The following PIK3C2G variants were observed in gnomAD, a reference collection of about 807,000 sequenced individuals.
PIK3C2G encodes the protein phosphatidylinositol-4-phosphate 3-kinase catalytic subunit type 2 gamma.
In PIK3C2G, 168 loss-of-function variants were observed where a neutral mutation model predicts 181.1. That is an observed-to-expected ratio of 0.93 (90% CI 0.82 to 1.05). The LOEUF is 1.05. PIK3C2G is among the 50% of genes least tolerant of loss of function. The pLI, the probability that PIK3C2G is intolerant of heterozygous loss-of-function variation, is 0.00. For synonymous variants in PIK3C2G, 573 were observed against 592.2 expected, an observed-to-expected ratio of 0.97 and a Z score of 0.47; for missense variants, 1,869 against 1,732.8, an observed-to-expected ratio of 1.08 and a Z score of -1.40.
chr12:18,550,489 G>A (rs1944669747), intron 26 of PIK3C2G, among the ~76,000 whole-genome samples: 1 of 151,514 alleles, frequency 6.6e-6, no homozygotes, highest in African/African-American at 2.4e-5. Context: ...TAAAACTTAG[G>A]GAGACTAAAT....
chr12:18,288,758 C>G (rs1030055441), intron 3 of PIK3C2G, among the ~76,000 whole-genome samples: 2 of 152,168 alleles, frequency 1.3e-5, no homozygotes, highest in Non-Finnish European at 2.9e-5. Flanking sequence ...TTCTGAATAA[C>G]TCTACTCACA....
intron 29 of PIK3C2G, among the ~76,000 whole-genome samples, chr12:18,587,854 A>G (rs996328189): frequency 4.6e-5 from 7 of 151,996 alleles, no homozygotes; most frequent in Non-Finnish European, 1.0e-4. Context: ...TCAGAACTAT[A>G]CTACAGGGAG....
intron 31 of PIK3C2G, among the ~76,000 whole-genome samples, chr12:18,630,162 A>C (rs1591710550): frequency 6.6e-6 from 1 of 152,114 alleles, no homozygotes; most frequent in East Asian, 1.9e-4. Context: ...CTATAATCCC[A>C]GGCAGATTCC....
intron 8 of PIK3C2G, among the ~76,000 whole-genome samples, chr12:18,331,322 T>C (rs1478312390): frequency 6.6e-6 from 1 of 152,188 alleles, no homozygotes; most frequent in Admixed American, 6.5e-5. Flanking sequence ...ATCTGATCTA[T>C]TTCTTCACCT....
upstream of PIK3C2G, among the ~76,000 whole-genome samples, chr12:18,260,786 G>A (rs912438096): frequency 6.6e-6 from 1 of 151,992 alleles, no homozygotes; most frequent in Non-Finnish European, 1.5e-5. Context: ...CAGTAAAGCA[G>A]GCCTACTTCT....
chr12:18,524,729 C>A (rs1943126751), intron 24 of PIK3C2G, among the ~76,000 whole-genome samples: 1 of 151,818 alleles, frequency 6.6e-6, no homozygotes. Context: ...CCACGCCTGG[C>A]TAATTTTTTT....
At chr12:18,373,280 G>A (rs1436177442) in intron 13 of PIK3C2G, among the ~76,000 whole-genome samples, 1 of 152,004 alleles carries the variant, frequency 6.6e-6, no homozygotes, top group Non-Finnish European at 1.5e-5. Context: ...TAAACATTTG[G>A]TATTGAATCT....
At chr12:18,295,672 A>G (rs753956686) in intron 5 of PIK3C2G, among the ~76,000 whole-genome samples, 4 of 152,040 alleles carry the variant, frequency 2.6e-5, no homozygotes, top group Non-Finnish European at 5.9e-5. Context: ...TTATTAAGAT[A>G]GGAAAGTTGC....
At chr12:18,588,583 A>G (rs1275322541) in intron 29 of PIK3C2G, among the ~76,000 whole-genome samples, 3 of 152,140 alleles carry the variant, frequency 2.0e-5, no homozygotes, top group Non-Finnish European at 4.4e-5. Flanking sequence ...TTAAAAAGTC[A>G]AAAAATAACA....
At position 18,351,109 on chromosome 12, in the gene PIK3C2G, C is replaced by T. The variant is rs12303807; in HGVS notation, c.1625+4273C>T. Among the ~76,000 whole-genome samples, 599 of 151,874 alleles carry T rather than the reference C, an allele frequency of 3.9e-3. 1 individual carries two copies. The highest frequency in any genetic ancestry group is 0.014 in the African/African-American group (563 of 41,434). ...ATAACCTATATAATAAAGATCTCATCCACTTTCTGAGATGCAACTTAGAAA... is the reference window on the plus strand; with the variant it reads ...ATAACCTATATAATAAAGATCTCATTCACTTTCTGAGATGCAACTTAGAAA... On this transcript the variant is annotated intron_variant, in intron 11 of 32. Coordinates refer to ENST00000538779, the MANE Select transcript of PIK3C2G (RefSeq NM_001288772.2).
At chr12:18,496,190 T>A in intron 21 of PIK3C2G, 36 bp downstream of exon 21, 1 of 1,149,604 alleles carries the variant, frequency 8.7e-7, no homozygotes, top group Non-Finnish European at 1.2e-6. Flanking sequence ...ATTGATTCCA[T>A]ACACAGAACT....
intron 8 of PIK3C2G, among the ~76,000 whole-genome samples, chr12:18,334,492 C>T (rs1000104096): frequency 3.9e-5 from 6 of 152,084 alleles, no homozygotes; most frequent in Non-Finnish European, 4.4e-5. Flanking sequence ...ACTACCTTCA[C>T]GTTGATGTCT....
At chr12:18,529,465 C>T (rs1436860973) in intron 24 of PIK3C2G, among the ~76,000 whole-genome samples, 1 of 152,122 alleles carries the variant, frequency 6.6e-6, no homozygotes, top group Non-Finnish European at 1.5e-5. Flanking sequence ...ATTAGTATGT[C>T]TGAAGACCAC....
chr12:18,513,595 C>T lies in PIK3C2G; in HGVS notation c.3323+8134C>T, dbSNP rs74652222. Among the ~76,000 whole-genome samples the T allele has an allele frequency of 6.1e-3, 927 of 151,624 alleles. 6 individuals are homozygous for T. Among genetic ancestry groups the T allele is most frequent in the African/African-American group, 0.022 (895 of 41,482 alleles). On this transcript the variant is annotated intron_variant, in intron 24 of 32. Coordinates refer to ENST00000538779, the MANE Select transcript of PIK3C2G (RefSeq NM_001288772.2). ...ATTTTTTGGCATATAATTGCTCATC[C>T]CATTTTTTAATGATCCTTTCTATTA...
intron 31 of PIK3C2G, among the ~76,000 whole-genome samples, chr12:18,637,264 T>C (rs1850567640): frequency 6.6e-6 from 1 of 152,124 alleles, no homozygotes; most frequent in Non-Finnish European, 1.5e-5. Context: ...CAAGAGTCTT[T>C]CCTCAAGGGG....
intron 14 of PIK3C2G, among the ~76,000 whole-genome samples, chr12:18,386,196 G>A (rs1170729459): frequency 6.6e-6 from 1 of 152,086 alleles, no homozygotes; most frequent in Non-Finnish European, 1.5e-5. Flanking sequence ...AATTCTCAAA[G>A]GTTCCAGTCT....
At chr12:18,648,954 A>G (rs1462228055), downstream of PIK3C2G, among the ~76,000 whole-genome samples, 1 of 152,098 alleles carries the variant, frequency 6.6e-6, no homozygotes, top group Non-Finnish European at 1.5e-5. Context: ...ATGAAAAAAA[A>G]TCTAAGCTTT....
At chr12:18,539,421 G>A (rs1944032459) in intron 25 of PIK3C2G, among the ~76,000 whole-genome samples, 1 of 151,624 alleles carries the variant, frequency 6.6e-6, no homozygotes, top group African/African-American at 2.4e-5. Flanking sequence ...CCATTTAGTA[G>A]ACTTCAATTC....
In PIK3C2G at chr12:18,282,728, T is replaced by A. The variant is rs199657792; in HGVS notation, c.647T>A (p.Met216Lys). 68 of 1,610,036 alleles carry A rather than the reference T, an allele frequency of 4.2e-5. No homozygotes were observed. The African/African-American group carries it at 8.4e-4, about 20-fold the overall frequency. ...MLLKGSLQPG[M>K]WESTWQKNIE... ...TTGAAAGGCTCTCTTCAACCCGGAA[T>A]GTGGGAAAGTACATGGCAGAAGAAT... Residue 216 changes from methionine to lysine, a missense_variant, in exon 2 of 33, where the codon ATG becomes AAG. By Grantham distance (95) the Met-to-Lys change is moderately conservative. Transcript: ENST00000538779.
Sources: gnomAD v4.1 joint callset for allele counts (sites outside exome capture counted in the v4.1 genomes callset) on GRCh38, gnomAD v4.1.1 for gene constraint, MANE v1.5 for transcripts, NCBI Gene and HGNC (gene_info 2026-07-23, HGNC 2026-07-21) for gene names.